RFX7: variants seen among roughly 807,000 people sequenced by gnomAD.
RFX7 encodes DNA-binding protein RFX7.
RFX7 carries 26 observed loss-of-function variants against 111.8 expected under a neutral mutation model. The observed-to-expected ratio is 0.23, with a 90% CI of 0.17 to 0.32. The LOEUF (loss-of-function observed/expected upper bound fraction) is 0.32. Ranked by LOEUF, RFX7 falls within the 10% of genes least tolerant of loss-of-function variation. The probability of loss-of-function intolerance (pLI) is 1.00; values close to 1 mark genes in which losing one functional copy is unlikely to be tolerated. For synonymous variants in RFX7, 624 were observed against 624.4 expected (o/e 1.00, Z 0.01); for missense variants, 1,573 against 1,772.9 (o/e 0.89, Z 2.02).
At chr15:56,133,839 C>CA (rs1269328752) in intron 5 of RFX7, among the ~76,000 whole-genome samples, 1 of 152,078 alleles carries the variant, frequency 6.6e-6, no homozygotes, top group Non-Finnish European at 1.5e-5. Flanking sequence ...AATCAAATAA[C>CA]AGAACAACTT....
intron 2 of RFX7, among the ~76,000 whole-genome samples, chr15:56,235,335 T>G (rs1244174399): frequency 6.6e-6 from 1 of 152,030 alleles, no homozygotes; most frequent in African/African-American, 2.4e-5. Flanking sequence ...CCACTGTGAC[T>G]GGCTAATTTT....
chr15:56,237,539 A>G (rs905268674), intron 2 of RFX7, among the ~76,000 whole-genome samples: 4 of 152,220 alleles, frequency 2.6e-5, no homozygotes, highest in Non-Finnish European at 4.4e-5. Context: ...AATCCAATGC[A>G]TCTTTCATAA....
chr15:56,104,440 T>C (rs1262423309), intron 5 of RFX7, among the ~76,000 whole-genome samples: 1 of 152,156 alleles, frequency 6.6e-6, no homozygotes, highest in African/African-American at 2.4e-5. Context: ...AACCACTACC[T>C]GGGAAATATG....
chr15:56,160,138 G>A (rs890471550), intron 3 of RFX7, among the ~76,000 whole-genome samples: 1 of 152,118 alleles, frequency 6.6e-6, no homozygotes, highest in Admixed American at 6.5e-5. Context: ...GTACTTCACT[G>A]AGGAGCTTTC....
chr15:56,204,348 G>A (rs762487252), intron 2 of RFX7, among the ~76,000 whole-genome samples: 26 of 151,962 alleles, frequency 1.7e-4, no homozygotes, highest in Non-Finnish European at 3.1e-4. Flanking sequence ...GCTAACATAC[G>A]TTGTATCTAT....
intron 2 of RFX7, among the ~76,000 whole-genome samples, chr15:56,230,521 A>G (rs1422242405): frequency 6.6e-6 from 1 of 152,246 alleles, no homozygotes; most frequent in Non-Finnish European, 1.5e-5. Context: ...ATACAGAAAC[A>G]ATATGTAGAA....
chr15:56,201,247 T>G (rs2043190628), intron 2 of RFX7, among the ~76,000 whole-genome samples: 1 of 152,188 alleles, frequency 6.6e-6, no homozygotes, highest in African/African-American at 2.4e-5. Context: ...GTATCCCAAA[T>G]CTGGTCCAAA....
rs1028103438 is a variant in RFX7 at position 56,103,687 on chromosome 15, G to C, written c.402-17C>G. On this transcript the variant is annotated splice_polypyrimidine_tract_variant and intron_variant, in intron 5 of 9. Transcript: ENST00000559447. ...CAATAGCTCCTGCAAAAGAAGGAAG[G>C]ACCAATTTAGAGTGACAGAATTCAG... 32 of 1,446,384 alleles carry C rather than the reference G, an allele frequency of 2.2e-5. No individual in the cohort carries two copies. Among genetic ancestry groups the C allele is most frequent in the Non-Finnish European group, 3.1e-5 (32 of 1,046,632 alleles). 89.6% of individuals were successfully genotyped at this position (1,446,384 alleles called of 1,614,324 possible). A position where few individuals can be genotyped will look rare whatever the true frequency, so the allele number is the denominator to read the frequency against.
rs2041550519 is a variant in RFX7 at position 56,088,174 on chromosome 15, A to C, written c.*5171T>G. 2 of 197,750 alleles carry C rather than the reference A, an allele frequency of 1.0e-5. No individual in the cohort carries two copies. Among genetic ancestry groups the C allele is most frequent in the South Asian group, 7.5e-5 (1 of 13,352 alleles). 12.2% of individuals were successfully genotyped at this position (197,750 alleles called of 1,614,324 possible). A position where few individuals can be genotyped will look rare whatever the true frequency, so the allele number is the denominator to read the frequency against. On this transcript the variant is annotated 3_prime_UTR_variant, in exon 10 of 10. Coordinates refer to ENST00000559447, the MANE Select transcript of RFX7 (RefSeq NM_022841.7). ...TAAAACCAGAATGAAAATTTCAAAGAAGCAACCAGATCATACAACTGCAGT... is the reference window on the plus strand; with the variant it reads ...TAAAACCAGAATGAAAATTTCAAAGCAGCAACCAGATCATACAACTGCAGT...
intron 2 of RFX7, among the ~76,000 whole-genome samples, chr15:56,229,584 C>A (rs1433920971): frequency 6.6e-6 from 1 of 152,114 alleles, no homozygotes; most frequent in East Asian, 1.9e-4. Flanking sequence ...TCTCAAACTT[C>A]GGTTTCAGTT....
intron 2 of RFX7, among the ~76,000 whole-genome samples, chr15:56,230,094 C>T (rs1224546314): frequency 1.3e-5 from 2 of 152,166 alleles, no homozygotes; most frequent in Non-Finnish European, 2.9e-5. Context: ...AGCTCAAACC[C>T]TCTGCTAGGA....
chr15:56,155,479 C>G (rs1007927178), intron 3 of RFX7, among the ~76,000 whole-genome samples: 1 of 152,140 alleles, frequency 6.6e-6, no homozygotes, highest in Admixed American at 6.5e-5. Flanking sequence ...ATGGATGAAG[C>G]TGGAAACCGT....
Position 56,189,777 on chromosome 15 carries a change from T to C in RFX7, c.162-10474A>G, listed in dbSNP as rs576733402. 4.6e-5 allele frequency: 7 copies of C among 152,288 alleles called. No homozygotes were observed. In the East Asian group the frequency reaches 1.3e-3, roughly 29 times the overall value. The allele number at this position is 152,288 out of a possible 1,614,324, so 9.4% of individuals were successfully genotyped here. A position where few individuals can be genotyped will look rare whatever the true frequency, so the allele number is the denominator to read the frequency against. On this transcript the variant is annotated intron_variant, in intron 2 of 9. Coordinates refer to ENST00000559447, the MANE Select transcript of RFX7 (RefSeq NM_022841.7). ...AACCATAGCTTTCATACATTTATGG[T>C]GGGAATGTGAAAGGCAAAACCACCT...
chr15:56,193,719 G>A (rs1046221835), intron 2 of RFX7, among the ~76,000 whole-genome samples: 20 of 152,096 alleles, frequency 1.3e-4, no homozygotes, highest in African/African-American at 4.8e-4. Flanking sequence ...AAGTAGTAGG[G>A]AAGAGGGGGA....
rs1183332942 is a variant in RFX7, at chr15:56,243,193, T to G, written c.93A>C (p.Pro31=). ...TCCCTGGCAGCCCGGGCACAAGGGC[T>G]GGCAGGGCCACCCCCGAGTTGGGGG... ...PSAPNSGVAL[P]ALVPGLPGTE... is the part of the protein sequence containing the mutation. The change falls in exon 2 of 10, where the codon CCA becomes CCC. Residue 31 remains proline (P), a synonymous_variant. Coordinates refer to ENST00000559447, the MANE Select transcript of RFX7 (RefSeq NM_022841.7). 1 of 1,345,448 alleles carries G rather than the reference T, an allele frequency of 7.4e-7. No individual in the cohort carries two copies. The highest frequency in any genetic ancestry group is 1.5e-5 in the African/African-American group (1 of 65,970). The allele number at this position is 1,345,448 out of a possible 1,614,324, so 83.3% of individuals were successfully genotyped here. A position where few individuals can be genotyped will look rare whatever the true frequency, so the allele number is the denominator to read the frequency against.
intron 5 of RFX7, among the ~76,000 whole-genome samples, chr15:56,108,720 G>T (rs916993619): frequency 2.0e-5 from 3 of 152,142 alleles, no homozygotes; most frequent in African/African-American, 4.8e-5. Flanking sequence ...GAGAAAGAAA[G>T]AAAGGATATT....
intron 2 of RFX7, among the ~76,000 whole-genome samples, chr15:56,190,646 G>T (rs894276824): frequency 5.3e-5 from 8 of 152,090 alleles, no homozygotes; most frequent in African/African-American, 1.7e-4. Context: ...CAGTATTCCT[G>T]GGAACTAGTT....
At chr15:56,124,117 C>T (rs1048711025) in intron 5 of RFX7, among the ~76,000 whole-genome samples, 2 of 152,038 alleles carry the variant, frequency 1.3e-5, no homozygotes, top group African/African-American at 2.4e-5. Flanking sequence ...CTTGGTACAC[C>T]TCTCTGTATT....
intron 2 of RFX7, among the ~76,000 whole-genome samples, chr15:56,231,197 C>T (rs974536894): frequency 6.6e-6 from 1 of 152,114 alleles, no homozygotes; most frequent in Admixed American, 6.5e-5. Flanking sequence ...GACAAGGACA[C>T]AGAACAGCTA....
Sources: gnomAD v4.1 joint callset for allele counts (sites outside exome capture counted in the v4.1 genomes callset) on GRCh38, gnomAD v4.1.1 for gene constraint, MANE v1.5 for transcripts, NCBI Gene and HGNC (gene_info 2026-07-23, HGNC 2026-07-21) for gene names.